DDX60L: variants seen among roughly 807,000 people sequenced by gnomAD.
DDX60L encodes the protein DExD/H-box 60 like.
A neutral mutation model predicts 211.6 loss-of-function variants in DDX60L; 191 were observed. The observed-to-expected ratio is 0.90, with a 90% CI of 0.80 to 1.02. The LOEUF (loss-of-function observed/expected upper bound fraction) is 1.02, where lower values mean the gene tolerates loss of function less well. Among genes scored for constraint, DDX60L ranks in the 50% least tolerant of loss-of-function variants. The pLI is 0.00. For missense variants in DDX60L, 2,007 were observed against 1,984.1 expected (o/e 1.01, Z -0.22); for synonymous variants, 706 against 694.1 (o/e 1.02, Z -0.27).
chr4:168,361,722 T>C (rs1340786209), intron 36 of DDX60L, among the ~76,000 whole-genome samples: 1 of 152,122 alleles, frequency 6.6e-6, no homozygotes, highest in Non-Finnish European at 1.5e-5. Flanking sequence ...TACAGGAAAA[T>C]GGTATGCAAA....
At chr4:168,463,097 A>T (rs1383854421) in intron 4 of DDX60L, among the ~76,000 whole-genome samples, 1 of 152,200 alleles carries the variant, frequency 6.6e-6, no homozygotes, top group East Asian at 1.9e-4. Flanking sequence ...AATTCCTGAA[A>T]GATCTACCAT....
At chr4:168,394,687 A>G (rs1248119774) in intron 27 of DDX60L, 70 bp from the exon 28 acceptor site, 1 of 1,421,390 alleles carries the variant, frequency 7.0e-7, no homozygotes, top group Non-Finnish European at 9.6e-7. Flanking sequence ...ATCAGAATCA[A>G]AGGACATTTT....
At chr4:168,399,258 A>G (rs1178258276) in intron 26 of DDX60L, among the ~76,000 whole-genome samples, 1 of 108,008 alleles carries the variant, frequency 9.3e-6, no homozygotes, top group African/African-American at 3.1e-5. Context: ...GAAGGAGAGA[A>G]GAGCTGCAGC....
chr4:168,442,749 A>G lies in DDX60L; in HGVS notation c.1139-1257T>C, dbSNP rs1381447809. Among the ~76,000 whole-genome samples the G allele has an allele frequency of 1.2e-4, 18 of 149,578 alleles. No individual in the cohort carries two copies. In the South Asian group the frequency reaches 3.9e-3, roughly 32 times the overall value. ...CCCCCGAGCAGCCTAACTGGGAGGC[A>G]CCCCCCAGCAGGGGCACACTGACAC... On this transcript the variant is annotated intron_variant, in intron 9 of 37. Coordinates refer to ENST00000682922, the MANE Select transcript of DDX60L (RefSeq NM_001012967.3).
At chr4:168,435,982 G>A (rs1752985803) in intron 10 of DDX60L, among the ~76,000 whole-genome samples, 1 of 152,182 alleles carries the variant, frequency 6.6e-6, no homozygotes, top group Non-Finnish European at 1.5e-5. Context: ...TGCAAAACTT[G>A]TAGGAGTCCA....
In DDX60L at chr4:168,433,074, T is replaced by A. The variant is rs769263476; in HGVS notation, c.1336A>T (p.Met446Leu). 1 of 1,609,534 alleles carries A rather than the reference T, an allele frequency of 6.2e-7. No homozygotes were observed. Among genetic ancestry groups the A allele is most frequent in the African/African-American group, 1.3e-5 (1 of 74,768 alleles). ...AACTCATCAATTACAGCAGATGTCA[T>A]TGGAATAAAGCCCACACTAGGCATC... ...EKMPSVGFIP[M>L]TSAVIDEFVG... is the part of the protein sequence containing the mutation. Residue 446 changes from methionine to leucine, a missense_variant, in exon 11 of 38, where the codon ATG becomes TTG. By Grantham distance (15) the Met-to-Leu change is conservative. Coordinates refer to ENST00000682922, the MANE Select transcript of DDX60L (RefSeq NM_001012967.3).
intron 33 of DDX60L, among the ~76,000 whole-genome samples, chr4:168,377,330 AT>A (rs1742147403): frequency 1.3e-5 from 2 of 151,056 alleles, no homozygotes; most frequent in African/African-American, 4.9e-5. Context: ...AAATAAATAA[AT>A]AAATAAATAA....
intron 1 of DDX60L, among the ~76,000 whole-genome samples, chr4:168,479,403 G>T (rs1760080759): frequency 2.0e-5 from 3 of 152,118 alleles, no homozygotes; most frequent in Non-Finnish European, 4.4e-5. Context: ...AATCATGAAG[G>T]TCTGTATGTC....
intron 29 of DDX60L, 67 bp from the exon 30 acceptor site, chr4:168,384,879 T>C: frequency 6.9e-7 from 1 of 1,456,704 alleles, no homozygotes; most frequent in Middle Eastern, 1.7e-4. Flanking sequence ...TCCAAAGATT[T>C]ATGACTTTAC....
rs1424970320 is a variant in DDX60L, at chr4:168,421,756, C to T, written c.2394+4G>A. ...AGCAAAAATGAAAGTCATTCAAACA[C>T]TACCTTTGCGGGTGCAACGTACACA... is the stretch of plus-strand genomic sequence containing the variant. On this transcript the variant is annotated splice_donor_region_variant and intron_variant, in intron 17 of 37. Coordinates refer to ENST00000682922, the MANE Select transcript of DDX60L (RefSeq NM_001012967.3). 3.1e-6 allele frequency: 5 copies of T among 1,613,772 alleles called. No homozygotes were observed. Among genetic ancestry groups the T allele is most frequent in the Non-Finnish European group, 4.2e-6 (5 of 1,179,878 alleles).
chr4:168,384,707 C>G lies in DDX60L; in HGVS notation c.4021G>C (p.Glu1341Gln). The G allele has an allele frequency of 6.2e-7, 1 of 1,613,848 alleles. No individual in the cohort carries two copies. Among genetic ancestry groups the G allele is most frequent in the South Asian group, 1.1e-5 (1 of 91,068 alleles). ...IKRLLASSVP[E>Q]LRGQFPLSIT... ...CTGAGAGGGAACTGTCCTCTCAGCT[C>G]AGGAACACTGGATGCAAGGAGTCTT... is the stretch of plus-strand genomic sequence containing the variant. Residue 1341 changes from glutamate to glutamine, a missense_variant, in exon 30 of 38, where the codon GAG (glutamate) becomes CAG (glutamine). Transcript: ENST00000682922.
intron 14 of DDX60L, among the ~76,000 whole-genome samples, chr4:168,424,174 G>A (rs973818006): frequency 6.6e-6 from 1 of 152,124 alleles, no homozygotes; most frequent in Non-Finnish European, 1.5e-5. Flanking sequence ...GATTTTAGAT[G>A]CCTGACCAAA....
chr4:168,419,332 C>T lies in DDX60L; in HGVS notation c.2580G>A (p.Val860=), dbSNP rs1579512347. Residue 860 remains valine, a synonymous_variant, in exon 19 of 38, where the codon GTG becomes GTA. Coordinates refer to ENST00000682922, the MANE Select transcript of DDX60L (RefSeq NM_001012967.3). ...CAAATATAACATATCTGATCCTTTC[C>T]ACCCATTTTTGGCGATGAGGAGCAA... ...LLLAPHRQKW[V]ERIRYVIFDE... The T allele has an allele frequency of 1.3e-6, 2 of 1,599,194 alleles. No individual in the cohort carries two copies. The highest frequency in any genetic ancestry group is 2.2e-5 in the East Asian group (1 of 44,580).
Position 168,415,790 on chromosome 4 carries a change from T to C in DDX60L, c.2736A>G (p.Gln912=), listed in dbSNP as rs959247246. ...NNPNLLTKWL[Q]SVKQYWKQAD... is the part of the protein sequence containing the mutation. ...CCTGTTTCCAGTACTGTTTTACTGA[T>C]TGCAGCCACCTTACAGAATAAACAT... The change falls in exon 21 of 38, where the codon CAA becomes CAG. Residue 912 remains glutamine, a synonymous_variant. Coordinates refer to ENST00000682922, the MANE Select transcript of DDX60L (RefSeq NM_001012967.3). 6 of 1,557,946 alleles carry C rather than the reference T, an allele frequency of 3.9e-6. No homozygotes were observed. Among genetic ancestry groups the C allele is most frequent in the African/African-American group, 2.7e-5 (2 of 73,260 alleles).
intron 31 of DDX60L, 77 bp from the exon 32 acceptor site, chr4:168,379,581 C>G: frequency 8.2e-7 from 1 of 1,212,534 alleles, no homozygotes; most frequent in South Asian, 1.6e-5. Context: ...GAGTGACTGA[C>G]AAATATTACC....
chr4:168,403,422 A>G (rs1747181251), intron 25 of DDX60L, among the ~76,000 whole-genome samples: 1 of 152,210 alleles, frequency 6.6e-6, no homozygotes. Flanking sequence ...TCTGGGCTAA[A>G]TAAGTTTTTT....
At chr4:168,414,868 A>C (rs1289186990) in intron 22 of DDX60L, among the ~76,000 whole-genome samples, 2 of 151,612 alleles carry the variant, frequency 1.3e-5, no homozygotes, top group Non-Finnish European at 2.9e-5. Context: ...TAGCAAAGAC[A>C]GTGGGTTGGG....
chr4:168,448,581 A>C lies in DDX60L; in HGVS notation c.1138+57T>G, dbSNP rs941863927. On this transcript the variant is annotated intron_variant, in intron 9 of 37. Coordinates refer to ENST00000682922, the MANE Select transcript of DDX60L (RefSeq NM_001012967.3). ...TGCTGTGGTATGTACTGGAAAATTT[A>C]TAAGGGTTTTATATAATTTGTTCAT... The C allele has an allele frequency of 2.2e-6, 3 of 1,346,154 alleles. No homozygotes were observed. In the African/African-American group the frequency reaches 4.4e-5, roughly 20 times the overall value. 83.4% of individuals were successfully genotyped at this position (1,346,154 alleles called of 1,614,324 possible). A position where few individuals can be genotyped will look rare whatever the true frequency, so the allele number is the denominator to read the frequency against.
In DDX60L at chr4:168,384,730, C is replaced by CT; in HGVS notation, c.3997dup (p.Arg1333LysfsTer9). 6.2e-7 allele frequency: 1 copy of CT among 1,613,810 alleles called. No homozygotes were observed. Among genetic ancestry groups the CT allele is most frequent in the Non-Finnish European group, 8.5e-7 (1 of 1,179,898 alleles). On this transcript the variant is annotated frameshift_variant, in exon 30 of 38. Transcript: ENST00000682922. LOFTEE classifies it high-confidence loss of function. The stretch of plus-strand genomic sequence containing the variant: ...CTCAGGAACACTGGATGCAAGGAGT[C>CT]TTTTTATTTTGGGCAATGGGATATC...
Sources: gnomAD v4.1 joint callset for allele counts (sites outside exome capture counted in the v4.1 genomes callset) on GRCh38, gnomAD v4.1.1 for gene constraint, MANE v1.5 for transcripts, NCBI Gene and HGNC (gene_info 2026-07-23, HGNC 2026-07-21) for gene names.